DIP2B: variants seen among roughly 807,000 people sequenced by gnomAD.
DIP2B encodes the protein DIP2 acetate--CoA ligase B (putative).
Under a neutral mutation model 198.0 loss-of-function variants are expected in DIP2B, and 76 were observed. That is an observed-to-expected ratio of 0.38 (90% confidence interval 0.32 to 0.46). The LOEUF is 0.46. Among genes scored for constraint, DIP2B ranks in the 20% least tolerant of loss-of-function variants. The pLI is 0.99. For synonymous variants in DIP2B, 701 were observed against 739.1 expected, an observed-to-expected ratio of 0.95 and a Z score of 0.84; for missense variants, 1,559 against 1,978.4, an observed-to-expected ratio of 0.79 and a Z score of 4.02.
At chr12:50,736,362 T>C (rs373987885) in intron 34 of DIP2B, among the ~76,000 whole-genome samples, 2 of 152,204 alleles carry the variant, frequency 1.3e-5, no homozygotes, top group African/African-American at 4.8e-5. Flanking sequence ...CAGATAATTA[T>C]TGAGGGCTTC....
At chr12:50,621,765 G>A (rs908349515) in intron 1 of DIP2B, among the ~76,000 whole-genome samples, 6 of 152,164 alleles carry the variant, frequency 3.9e-5, no homozygotes, top group East Asian at 1.9e-4. Context: ...GTCAGAAAAC[G>A]GGGAGGGGGA....
At chr12:50,683,777 C>T (rs924020420) in intron 10 of DIP2B, among the ~76,000 whole-genome samples, 9 of 150,206 alleles carry the variant, frequency 6.0e-5, no homozygotes, top group East Asian at 2.0e-4. Context: ...AGCAAGACTC[C>T]GTCTAAAAAT....
chr12:50,554,870 T>C (rs1381850684), intron 1 of DIP2B, among the ~76,000 whole-genome samples: 1 of 150,834 alleles, frequency 6.6e-6, no homozygotes, highest in African/African-American at 2.4e-5. Context: ...CAGGTTCAAG[T>C]GATTCCCCTG....
intron 15 of DIP2B, 74 bp downstream of exon 15, chr12:50,695,434 C>A: frequency 7.0e-7 from 1 of 1,432,176 alleles, no homozygotes; most frequent in Non-Finnish European, 9.8e-7. Flanking sequence ...CAGAGATTTT[C>A]AAATTGCCCT....
intron 30 of DIP2B, among the ~76,000 whole-genome samples, chr12:50,729,718 T>C (rs924305950): frequency 6.8e-6 from 1 of 147,170 alleles, no homozygotes; most frequent in African/African-American, 2.5e-5. Context: ...TCTGTCCTTT[T>C]TTCTTTTTTT....
At chr12:50,539,154 A>C (rs557292306) in intron 1 of DIP2B, among the ~76,000 whole-genome samples, 1 of 151,888 alleles carries the variant, frequency 6.6e-6, no homozygotes, top group East Asian at 1.9e-4. Context: ...TGGAGTTCTG[A>C]AATTTCATTA....
At chr12:50,620,244 TG>T (rs34556008) in intron 1 of DIP2B, among the ~76,000 whole-genome samples, 11 of 152,180 alleles carry the variant, frequency 7.2e-5, no homozygotes, top group Admixed American at 2.0e-4. Flanking sequence ...TTAGGAGGCT[TG>T]GGTGGCTGGC....
chr12:50,736,020 G>A (rs906665932), intron 34 of DIP2B, among the ~76,000 whole-genome samples: 1 of 152,168 alleles, frequency 6.6e-6, no homozygotes, highest in African/African-American at 2.4e-5. Context: ...GCATTGTCAA[G>A]ACAAGTGGGA....
At chr12:50,588,356 G>A (rs568501657) in intron 1 of DIP2B, among the ~76,000 whole-genome samples, 24 of 152,026 alleles carry the variant, frequency 1.6e-4, no homozygotes, top group Admixed American at 3.3e-4. Flanking sequence ...CACTGTGTTG[G>A]CCAGGCTGGT....
At chr12:50,663,384 C>T (rs183800965) in intron 4 of DIP2B, among the ~76,000 whole-genome samples, 12 of 151,056 alleles carry the variant, frequency 7.9e-5, no homozygotes, top group Non-Finnish European at 1.2e-4. Flanking sequence ...CAGTGAACCC[C>T]GTCTCTACTA....
At chr12:50,554,683 T>C (rs942516753) in intron 1 of DIP2B, among the ~76,000 whole-genome samples, 1 of 152,168 alleles carries the variant, frequency 6.6e-6, no homozygotes, top group Non-Finnish European at 1.5e-5. Context: ...CTGTATATTC[T>C]GTGTCTCGTG....
intron 2 of DIP2B, among the ~76,000 whole-genome samples, chr12:50,637,911 C>T (rs1018970766): frequency 1.4e-4 from 22 of 152,124 alleles, no homozygotes; most frequent in African/African-American, 5.3e-4. Flanking sequence ...CATATTCAAA[C>T]AATAGAAACA....
intron 14 of DIP2B, among the ~76,000 whole-genome samples, chr12:50,693,693 A>T (rs889516352): frequency 2.6e-5 from 4 of 152,202 alleles, no homozygotes; most frequent in African/African-American, 7.2e-5. Context: ...GAAGTTAAAA[A>T]TCCTTTTGAG....
chr12:50,556,636 G>C (rs746810731), intron 1 of DIP2B, among the ~76,000 whole-genome samples: 1 of 149,930 alleles, frequency 6.7e-6, no homozygotes, highest in Non-Finnish European at 1.5e-5. Context: ...TCTGCCTCCC[G>C]GGTTCAAGCG....
intron 1 of DIP2B, among the ~76,000 whole-genome samples, chr12:50,547,560 C>T (rs777212539): frequency 2.5e-4 from 38 of 152,160 alleles, no homozygotes; most frequent in Non-Finnish European, 4.1e-4. Context: ...ACTATTCTTC[C>T]GTTAAAAAAG....
chr12:50,633,826 T>G (rs969231685), intron 2 of DIP2B, among the ~76,000 whole-genome samples: 1 of 152,092 alleles, frequency 6.6e-6, no homozygotes, highest in Non-Finnish European at 1.5e-5. Flanking sequence ...CTAAAGTCAC[T>G]GTATGGCAAA....
At chr12:50,670,056 G>C (rs1045626789) in intron 4 of DIP2B, among the ~76,000 whole-genome samples, 3 of 152,064 alleles carry the variant, frequency 2.0e-5, no homozygotes, top group African/African-American at 7.2e-5. Flanking sequence ...TGCTTCATAA[G>C]CTTAGAACCC....
chr12:50,737,831 G>A (rs1565886984), intron 35 of DIP2B, among the ~76,000 whole-genome samples: 1 of 151,978 alleles, frequency 6.6e-6, no homozygotes, highest in Non-Finnish European at 1.5e-5. Flanking sequence ...CAGGTGATCC[G>A]CCTGCCTTAG....
chr12:50,540,635 G>A (rs960663113), intron 1 of DIP2B, among the ~76,000 whole-genome samples: 7 of 147,282 alleles, frequency 4.8e-5, no homozygotes, highest in Non-Finnish European at 7.4e-5. Context: ...TGCAAGCTCC[G>A]CCTCCCGGAT....
Sources: allele counts gnomAD v4.1 joint callset (sites outside exome capture counted in the v4.1 genomes callset), GRCh38; gene constraint gnomAD v4.1.1; transcripts MANE v1.5; gene names NCBI Gene and HGNC (gene_info 2026-07-23, HGNC 2026-07-21).